The following MECOM variants were observed in gnomAD, a reference collection of about 807,000 sequenced individuals.
The protein encoded by MECOM is MDS1 and EVI1 complex locus, also known as histone-lysine N-methyltransferase MECOM.
A neutral mutation model predicts 116.3 loss-of-function variants in MECOM; 13 were observed. The observed-to-expected ratio is 0.11, with a 90% CI of 0.07 to 0.18. The LOEUF is 0.18. Ranked by LOEUF, MECOM falls within the 10% of genes least tolerant of loss-of-function variation. The pLI, the probability that MECOM is intolerant of heterozygous loss-of-function variation, is 1.00. For synonymous variants in MECOM, 528 were observed against 535.2 expected, an observed-to-expected ratio of 0.99 and a Z score of 0.19; for missense variants, 1,299 against 1,509.0, an observed-to-expected ratio of 0.86 and a Z score of 2.31.
In MECOM at chr3:169,223,222, G is replaced by A. The variant is rs1007212975; in HGVS notation, c.376-79390C>T. Among the ~76,000 whole-genome samples the A allele has an allele frequency of 1.1e-3, 159 of 151,352 alleles. 1 individual carries two copies. Among genetic ancestry groups the A allele is most frequent in the African/African-American group, 3.7e-3 (153 of 41,164 alleles). On this transcript the variant is annotated intron_variant, in intron 2 of 16. Transcript: ENST00000651503. The stretch of plus-strand genomic sequence containing the variant: ...TATACATGTGCCATGTTGGTGTGCT[G>A]CACCCGTTGACTCGTCATTTACATT...
intron 2 of MECOM, among the ~76,000 whole-genome samples, chr3:169,314,227 A>G (rs1719325284): frequency 6.6e-6 from 1 of 152,266 alleles, no homozygotes; most frequent in Non-Finnish European, 1.5e-5. Context: ...ACGATGGATC[A>G]AGAATGAATT....
At chr3:169,384,725 A>G (rs1252716156) in intron 1 of MECOM, among the ~76,000 whole-genome samples, 2 of 152,188 alleles carry the variant, frequency 1.3e-5, no homozygotes, top group Non-Finnish European at 2.9e-5. Context: ...TCCCGTAATT[A>G]TCTATTAAAG....
intron 1 of MECOM, among the ~76,000 whole-genome samples, chr3:169,642,213 AAG>A (rs1305754841): frequency 2.0e-5 from 3 of 152,192 alleles, no homozygotes; most frequent in Non-Finnish European, 4.4e-5. Flanking sequence ...GGGAATTAAA[AAG>A]AGAAAGAATA....
At chr3:169,595,441 C>T (rs1038309127) in intron 1 of MECOM, among the ~76,000 whole-genome samples, 2 of 152,134 alleles carry the variant, frequency 1.3e-5, no homozygotes, top group Non-Finnish European at 2.9e-5. Context: ...TAATTATACA[C>T]ATATACACTT....
At chr3:169,241,715 A>C (rs1754833718) in intron 2 of MECOM, among the ~76,000 whole-genome samples, 1 of 152,346 alleles carries the variant, frequency 6.6e-6, no homozygotes, top group African/African-American at 2.4e-5. Context: ...TTGAGAAAGG[A>C]ACCACTAATA....
At chr3:169,255,787 C>A (rs1362737936) in intron 2 of MECOM, among the ~76,000 whole-genome samples, 1 of 152,184 alleles carries the variant, frequency 6.6e-6, no homozygotes, top group Non-Finnish European at 1.5e-5. Context: ...GCCACTTCAA[C>A]TGCCAAGACG....
intron 2 of MECOM, among the ~76,000 whole-genome samples, chr3:169,303,703 C>A (rs1037988554): frequency 1.3e-5 from 2 of 152,178 alleles, no homozygotes; most frequent in African/African-American, 2.4e-5. Context: ...ACTCAAAAAG[C>A]CAAATCCTGT....
intron 1 of MECOM, among the ~76,000 whole-genome samples, chr3:169,472,608 G>A (rs187734151): frequency 1.2e-3 from 75 of 60,154 alleles, no homozygotes; most frequent in Middle Eastern, 8.9e-3. Context: ...GAAAGGAAAG[G>A]AAAGGAAAGA....
chr3:169,273,260 G>A (rs1759170699), intron 2 of MECOM, among the ~76,000 whole-genome samples: 2 of 152,114 alleles, frequency 1.3e-5, no homozygotes, highest in African/African-American at 2.4e-5. Context: ...ATATGATTTT[G>A]TATATCCACC....
At chr3:169,576,830 C>CAGAGAGAG (rs1473772019) in intron 1 of MECOM, among the ~76,000 whole-genome samples, 1 of 97,328 alleles carries the variant, frequency 1.0e-5, no homozygotes, top group African/African-American at 3.6e-5. Flanking sequence ...CACACACACA[C>CAGAGAGAG]ACACACACAG....
chr3:169,162,787 T>C (rs1245123235), intron 2 of MECOM, among the ~76,000 whole-genome samples: 2 of 152,166 alleles, frequency 1.3e-5, no homozygotes, highest in Non-Finnish European at 2.9e-5. Flanking sequence ...TCATACTCAG[T>C]GCTGGGTGAA....
intron 2 of MECOM, among the ~76,000 whole-genome samples, chr3:169,217,087 T>C (rs1007817279): frequency 2.6e-5 from 4 of 152,016 alleles, no homozygotes; most frequent in African/African-American, 9.7e-5. Flanking sequence ...AACAGGAGGG[T>C]GGATGATCCG....
intron 12 of MECOM, among the ~76,000 whole-genome samples, chr3:169,100,065 G>T (rs995000766): frequency 2.8e-5 from 4 of 144,110 alleles, no homozygotes; most frequent in Admixed American, 1.4e-4. Context: ...CCAGGTTTAA[G>T]ATCTATTCTT....
chr3:169,472,604 A>AAAGGGAAGGG (rs1749639464), intron 1 of MECOM, among the ~76,000 whole-genome samples: 5 of 70,036 alleles, frequency 7.1e-5, no homozygotes, highest in East Asian at 3.9e-4. Flanking sequence ...AAAGGAAAGG[A>AAAGGGAAGGG]AAGGAAAGGA....
At chr3:169,104,748 G>T (rs1202306879) in intron 10 of MECOM, among the ~76,000 whole-genome samples, 1 of 152,076 alleles carries the variant, frequency 6.6e-6, no homozygotes, top group Non-Finnish European at 1.5e-5. Context: ...TAAACCACAA[G>T]TCCTTCAAGT....
intron 1 of MECOM, among the ~76,000 whole-genome samples, chr3:169,505,946 C>T (rs181548933): frequency 1.3e-5 from 2 of 152,238 alleles, no homozygotes; most frequent in African/African-American, 4.8e-5. Flanking sequence ...AGTGCCCCCA[C>T]AGGCCATCAT....
chr3:169,587,709 A>G (rs117604539), intron 1 of MECOM, among the ~76,000 whole-genome samples: 1 of 152,218 alleles, frequency 6.6e-6, no homozygotes, highest in East Asian at 1.9e-4. Flanking sequence ...TTCCAATGCT[A>G]CTCTAAAGGT....
At chr3:169,481,271 A>C (rs1244222053) in intron 1 of MECOM, among the ~76,000 whole-genome samples, 1 of 152,134 alleles carries the variant, frequency 6.6e-6, no homozygotes, top group East Asian at 1.9e-4. Flanking sequence ...ATTCTGAGAC[A>C]ATGTTGGGAT....
intron 1 of MECOM, among the ~76,000 whole-genome samples, chr3:169,627,760 T>C (rs1771557689): frequency 6.6e-6 from 1 of 152,272 alleles, no homozygotes. Flanking sequence ...CTAGCCTTTG[T>C]TCTTCTTAAT....
Sources: allele counts gnomAD v4.1 joint callset (sites outside exome capture counted in the v4.1 genomes callset), GRCh38; gene constraint gnomAD v4.1.1; transcripts MANE v1.5; gene names NCBI Gene and HGNC (gene_info 2026-07-23, HGNC 2026-07-21).